APLF: variants seen among roughly 807,000 people sequenced by gnomAD.
APLF encodes the protein aprataxin and PNKP like factor, also known as aprataxin and PNK-like factor.
Under a neutral mutation model 55.6 loss-of-function variants are expected in APLF, and 61 were observed. The observed-to-expected ratio is 1.10, with a 90% CI of 0.89 to 1.36. The LOEUF (loss-of-function observed/expected upper bound fraction) is 1.36, where lower values mean the gene tolerates loss of function less well. APLF is among the 40% of genes most tolerant of loss of function. APLF has a pLI of 0.00. For missense variants in APLF, 611 were observed against 602.5 expected, an observed-to-expected ratio of 1.01 and a Z score of -0.15; for synonymous variants, 207 against 214.8, an observed-to-expected ratio of 0.96 and a Z score of 0.32.
intron 8 of APLF, among the ~76,000 whole-genome samples, chr2:68,553,531 A>G (rs72903903): frequency 0.011 from 1,606 of 152,214 alleles, 22 homozygotes; most frequent in African/African-American, 0.037. Flanking sequence ...TGCCCAGTGT[A>G]TCAGAATTAT....
chr2:68,557,641 G>A (rs1671051721), intron 8 of APLF, among the ~76,000 whole-genome samples: 1 of 152,180 alleles, frequency 6.6e-6, no homozygotes, highest in South Asian at 2.1e-4. Context: ...GCTGGACGTG[G>A]TGGCTCACAC....
intron 1 of APLF, among the ~76,000 whole-genome samples, chr2:68,478,495 A>C (rs1675850111): frequency 6.6e-6 from 1 of 152,226 alleles, no homozygotes; most frequent in African/African-American, 2.4e-5. Flanking sequence ...ACTTAAAGCA[A>C]AGGGAGGGTA....
chr2:68,554,051 A>G (rs1670939558), intron 8 of APLF, among the ~76,000 whole-genome samples: 2 of 152,196 alleles, frequency 1.3e-5, no homozygotes, highest in Non-Finnish European at 2.9e-5. Flanking sequence ...GCCTACATTT[A>G]TATGGTAGTA....
At chr2:68,515,947 A>G (rs891491343) in intron 5 of APLF, among the ~76,000 whole-genome samples, 20 of 151,748 alleles carry the variant, frequency 1.3e-4, no homozygotes, top group African/African-American at 4.8e-4. Context: ...ATGGGGATCA[A>G]TAGGCCAATA....
intron 7 of APLF, 102 bp downstream of exon 7, chr2:68,538,329 C>G (rs992769900): frequency 2.8e-5 from 30 of 1,052,860 alleles, no homozygotes; most frequent in Non-Finnish European, 3.7e-5. Flanking sequence ...AACCCACTGG[C>G]CTAAAGGTTA....
chr2:68,498,925 A>T (rs1000219240), intron 2 of APLF, among the ~76,000 whole-genome samples: 4 of 152,010 alleles, frequency 2.6e-5, no homozygotes, highest in Non-Finnish European at 4.4e-5. Flanking sequence ...TCCCGAATTG[A>T]GATTGTTTTT....
Position 68,577,893 on chromosome 2 carries a change from AGAT to A in APLF, c.1413_1415del (p.Asp471del), listed in dbSNP as rs769602213. Reference sequence around the variant, plus strand: ...AGTATGACCTGAACGACAGCTTTCTAGATGATGAGGAAGAAGACTATGAGCCAA... The same window carrying A: ...AGTATGACCTGAACGACAGCTTTCTAGATGAGGAAGAAGACTATGAGCCAA... On this transcript the variant is annotated inframe_deletion, in exon 10 of 10. Transcript: ENST00000303795. 10 of 1,613,678 alleles carry A rather than the reference AGAT, an allele frequency of 6.2e-6. No individual in the cohort carries two copies. The highest frequency in any genetic ancestry group is 8.5e-6 in the Non-Finnish European group (10 of 1,179,722).
At chr2:68,483,539 G>C (rs1276169869) in intron 1 of APLF, among the ~76,000 whole-genome samples, 1 of 152,054 alleles carries the variant, frequency 6.6e-6, no homozygotes, top group Non-Finnish European at 1.5e-5. Flanking sequence ...TCCCTTTTTG[G>C]GGGGCAAAGG....
chr2:68,515,465 C>T (rs1413881372), intron 5 of APLF: 2 of 519,204 alleles, frequency 3.9e-6, no homozygotes, highest in Non-Finnish European at 4.9e-6. Flanking sequence ...GTGAGCTGGT[C>T]CCTGCAAACA....
chr2:68,532,061 A>G (rs1441358999), intron 6 of APLF, among the ~76,000 whole-genome samples: 1 of 152,196 alleles, frequency 6.6e-6, no homozygotes, highest in African/African-American at 2.4e-5. Context: ...GAGCCAGAGA[A>G]TATGACTTAG....
chr2:68,567,368 T>C lies in APLF; in HGVS notation c.1314T>C (p.Tyr438=), dbSNP rs1671337017. Residue 438 remains tyrosine (Y), a synonymous_variant, in exon 9 of 10, where the codon TAT becomes TAC. Transcript: ENST00000303795. ...YRKNPQHKIE[Y]RHNTLPVRNV... is the part of the protein sequence containing the mutation. ...AGAATCCCCAGCACAAGATAGAATA[T>C]AGACATAATACGCTTCCAGGTAAGT... The C allele has an allele frequency of 6.2e-7, 1 of 1,605,278 alleles. No individual in the cohort carries two copies. Among genetic ancestry groups the C allele is most frequent in the Non-Finnish European group, 8.5e-7 (1 of 1,175,988 alleles).
intron 8 of APLF, among the ~76,000 whole-genome samples, chr2:68,565,720 T>A (rs71413141): frequency 0.084 from 12,781 of 152,182 alleles, 602 homozygotes; most frequent in Middle Eastern, 0.12. Flanking sequence ...GCAATATTTT[T>A]AAAGTATAAT....
At chr2:68,555,339 A>C (rs1265670699) in intron 8 of APLF, among the ~76,000 whole-genome samples, 1 of 152,228 alleles carries the variant, frequency 6.6e-6, no homozygotes, top group Admixed American at 6.5e-5. Context: ...GAGCTTTTAC[A>C]CAGCAAAAGC....
chr2:68,511,230 A>G (rs1677041016), intron 3 of APLF, among the ~76,000 whole-genome samples: 1 of 151,770 alleles, frequency 6.6e-6, no homozygotes, highest in Non-Finnish European at 1.5e-5. Flanking sequence ...CCTTTACTAG[A>G]CTACATTTAA....
At chr2:68,502,233 T>C (rs1002292079) in intron 2 of APLF, among the ~76,000 whole-genome samples, 2 of 152,156 alleles carry the variant, frequency 1.3e-5, no homozygotes, top group Non-Finnish European at 2.9e-5. Flanking sequence ...ACATGGACTT[T>C]GGGGGACACA....
intron 2 of APLF, among the ~76,000 whole-genome samples, chr2:68,500,812 G>A (rs1002738414): frequency 1.3e-5 from 2 of 152,158 alleles, no homozygotes; most frequent in South Asian, 2.1e-4. Flanking sequence ...TACAGGGCAC[G>A]ATTCCCAAGT....
At chr2:68,469,650 A>G (rs924954009) in intron 1 of APLF, among the ~76,000 whole-genome samples, 2 of 152,126 alleles carry the variant, frequency 1.3e-5, no homozygotes, top group African/African-American at 4.8e-5. Context: ...AGTTTTTTCG[A>G]TTTTGGAGCT....
intron 8 of APLF, among the ~76,000 whole-genome samples, chr2:68,559,028 T>A (rs976196061): frequency 6.6e-6 from 1 of 152,246 alleles, no homozygotes; most frequent in Non-Finnish European, 1.5e-5. Context: ...AATCTTTAGG[T>A]ACTTCTTTAT....
intron 2 of APLF, among the ~76,000 whole-genome samples, chr2:68,501,526 T>C (rs1339484778): frequency 6.6e-6 from 1 of 152,196 alleles, no homozygotes; most frequent in Non-Finnish European, 1.5e-5. Flanking sequence ...ACAAAATGCC[T>C]ATTTGACTTA....
Sources: allele counts gnomAD v4.1 joint callset (sites outside exome capture counted in the v4.1 genomes callset), GRCh38; gene constraint gnomAD v4.1.1; transcripts MANE v1.5; gene names NCBI Gene and HGNC (gene_info 2026-07-23, HGNC 2026-07-21).